SEZ6L: variants seen among roughly 807,000 people sequenced by gnomAD.
SEZ6L encodes the protein seizure related 6 homolog like, also known as seizure 6-like protein.
A neutral mutation model predicts 106.2 loss-of-function variants in SEZ6L; 37 were observed. The observed-to-expected ratio is 0.35, with a 90% CI of 0.27 to 0.46. The LOEUF is 0.46. Ranked by LOEUF, SEZ6L falls within the 20% of genes least tolerant of loss-of-function variation. The probability of loss-of-function intolerance (pLI) is 1.00; values close to 1 mark genes in which losing one functional copy is unlikely to be tolerated. For synonymous variants in SEZ6L, 541 were observed against 570.4 expected (o/e 0.95, Z 0.73); for missense variants, 1,172 against 1,332.8 (o/e 0.88, Z 1.88).
chr22:26,264,953 G>A (rs2080128496), intron 1 of SEZ6L, among the ~76,000 whole-genome samples: 1 of 152,164 alleles, frequency 6.6e-6, no homozygotes, highest in Non-Finnish European at 1.5e-5. Context: ...AAGCAACTTA[G>A]AGACAATAAT....
chr22:26,322,983 A>G (rs1457570817), intron 9 of SEZ6L, among the ~76,000 whole-genome samples: 1 of 152,210 alleles, frequency 6.6e-6, no homozygotes, highest in Non-Finnish European at 1.5e-5. Flanking sequence ...AAAGGAGAAT[A>G]AGGGAACTAA....
intron 1 of SEZ6L, among the ~76,000 whole-genome samples, chr22:26,197,090 C>G (rs1036159880): frequency 1.3e-5 from 2 of 152,152 alleles, no homozygotes; most frequent in Admixed American, 6.5e-5. Flanking sequence ...CATACAGACA[C>G]TACTTCTTTC....
At chr22:26,338,094 C>T (rs2082700840) in intron 9 of SEZ6L, among the ~76,000 whole-genome samples, 1 of 152,226 alleles carries the variant, frequency 6.6e-6, no homozygotes, top group South Asian at 2.1e-4. Flanking sequence ...TGTCAGTCTG[C>T]ATCAGTTTCA....
intron 1 of SEZ6L, among the ~76,000 whole-genome samples, chr22:26,289,121 C>T (rs2081029278): frequency 6.6e-6 from 1 of 152,140 alleles, no homozygotes; most frequent in Admixed American, 6.5e-5. Context: ...AAGAGGAGAC[C>T]CATGCAAAGT....
Position 26,299,045 on chromosome 22 carries a change from C to T in SEZ6L, c.1224C>T (p.Asp408=), listed in dbSNP as rs766786611. ...RPDSGDVTVM[D]LHSGGVAHFH... is the part of the protein sequence containing the mutation. ...ACTCTGGGGATGTCACGGTGATGGA[C>T]CTGCACTCAGGTGGGGTGGCCCACT... is the stretch of plus-strand genomic sequence containing the variant. Residue 408 remains aspartate (D), a synonymous_variant, in exon 5 of 17, where the codon GAC becomes GAT. Transcript: ENST00000248933. 12 of 1,606,252 alleles carry T rather than the reference C, an allele frequency of 7.5e-6. No individual in the cohort carries two copies. Among genetic ancestry groups the T allele is most frequent in the Non-Finnish European group, 1.0e-5 (12 of 1,176,548 alleles).
intron 1 of SEZ6L, among the ~76,000 whole-genome samples, chr22:26,252,819 T>C (rs952446278): frequency 2.6e-5 from 4 of 152,242 alleles, no homozygotes; most frequent in Admixed American, 1.3e-4. Flanking sequence ...ATCCAATCCA[T>C]CATTGATGGG....
chr22:26,228,203 C>T (rs1472400293), intron 1 of SEZ6L, among the ~76,000 whole-genome samples: 1 of 152,166 alleles, frequency 6.6e-6, no homozygotes, highest in Non-Finnish European at 1.5e-5. Context: ...AACAAATGAA[C>T]TTCTGAAGAA....
intron 8 of SEZ6L, among the ~76,000 whole-genome samples, chr22:26,313,215 C>T (rs758160942): frequency 2.0e-5 from 3 of 152,196 alleles, no homozygotes; most frequent in Non-Finnish European, 2.9e-5. Context: ...TACCATGTGC[C>T]AGACACTGTG....
intron 1 of SEZ6L, among the ~76,000 whole-genome samples, chr22:26,248,851 C>A (rs542997197): frequency 5.0e-4 from 76 of 152,332 alleles, no homozygotes; most frequent in African/African-American, 1.5e-3. Flanking sequence ...CTGGTACAAA[C>A]AACCCAGTGG....
intron 9 of SEZ6L, among the ~76,000 whole-genome samples, chr22:26,324,103 A>C (rs35615933): frequency 0.15 from 12,071 of 82,552 alleles, 551 homozygotes; most frequent in Middle Eastern, 0.23. Flanking sequence ...CACACACACA[A>C]ACACACACAC....
At chr22:26,294,147 T>A (rs1330788352) in intron 2 of SEZ6L, 145 bp from the exon 3 acceptor site, 3 of 708,080 alleles carry the variant, frequency 4.2e-6, no homozygotes, top group East Asian at 5.0e-5. Flanking sequence ...TCATGTCAAT[T>A]CTGGAGCTGA....
intron 1 of SEZ6L, among the ~76,000 whole-genome samples, chr22:26,250,058 G>A (rs1252628081): frequency 2.6e-5 from 4 of 152,060 alleles, no homozygotes; most frequent in Non-Finnish European, 5.9e-5. Context: ...TGTATATTTT[G>A]CATATTAATC....
At chr22:26,317,155 G>C (rs2082029071) in intron 9 of SEZ6L, among the ~76,000 whole-genome samples, 1 of 152,108 alleles carries the variant, frequency 6.6e-6, no homozygotes, top group Non-Finnish European at 1.5e-5. Flanking sequence ...GGAAGCTCTG[G>C]GGTCTTCTTA....
At chr22:26,228,557 T>C (rs999128180) in intron 1 of SEZ6L, among the ~76,000 whole-genome samples, 12 of 152,226 alleles carry the variant, frequency 7.9e-5, no homozygotes, top group African/African-American at 2.9e-4. Context: ...TGCCTCCTCA[T>C]GCTTCCCAAC....
At chr22:26,240,092 T>TCACACA (rs1556193806) in intron 1 of SEZ6L, among the ~76,000 whole-genome samples, 29 of 116,204 alleles carry the variant, frequency 2.5e-4, no homozygotes, top group African/African-American at 9.5e-4. Flanking sequence ...ACACACACAC[T>TCACACA]CACACACACA....
intron 1 of SEZ6L, among the ~76,000 whole-genome samples, chr22:26,204,932 C>G (rs1286821031): frequency 6.6e-6 from 1 of 152,204 alleles, no homozygotes; most frequent in African/African-American, 2.4e-5. Context: ...GATAAAAGAC[C>G]TCACTTCAAA....
At chr22:26,357,290 T>TG (rs1325540802) in intron 12 of SEZ6L, among the ~76,000 whole-genome samples, 1 of 152,182 alleles carries the variant, frequency 6.6e-6, no homozygotes, top group Non-Finnish European at 1.5e-5. Context: ...TGTGAGTTCC[T>TG]GGTGGCATCC....
intron 11 of SEZ6L, among the ~76,000 whole-genome samples, chr22:26,350,188 G>C (rs908972296): frequency 4.2e-5 from 6 of 143,012 alleles, no homozygotes; most frequent in Non-Finnish European, 9.0e-5. Context: ...ATATGTGTGT[G>C]TGTGTGTATA....
intron 12 of SEZ6L, 80 bp downstream of exon 12, chr22:26,351,323 T>C (rs2083271231): frequency 3.0e-6 from 4 of 1,350,872 alleles, no homozygotes; most frequent in Non-Finnish European, 4.1e-6. Context: ...AAGGCTGGGC[T>C]GCTAGGAGGC....
Sources: allele counts gnomAD v4.1 joint callset (sites outside exome capture counted in the v4.1 genomes callset), GRCh38; gene constraint gnomAD v4.1.1; transcripts MANE v1.5; gene names NCBI Gene and HGNC (gene_info 2026-07-23, HGNC 2026-07-21).